BMERB1: variants seen among roughly 807,000 people sequenced by gnomAD.
BMERB1 encodes the protein bMERB domain containing 1, also known as bMERB domain-containing protein 1.
Under a neutral mutation model 23.6 loss-of-function variants are expected in BMERB1, and 12 were observed. The ratio of observed to expected loss-of-function variants is 0.51; its 90% CI spans 0.33 to 0.82. The LOEUF (loss-of-function observed/expected upper bound fraction) is 0.82, where lower values mean the gene tolerates loss of function less well. BMERB1 is among the 40% of genes least tolerant of loss of function. BMERB1 has a pLI of 0.03. For missense variants in BMERB1, 247 were observed against 255.4 expected (o/e 0.97, Z 0.22); for synonymous variants, 122 against 96.6 (o/e 1.26, Z -1.54).
At chr16:15,497,779 A>G (rs944403377) in intron 1 of BMERB1, among the ~76,000 whole-genome samples, 2 of 152,178 alleles carry the variant, frequency 1.3e-5, no homozygotes, top group Non-Finnish European at 2.9e-5. Flanking sequence ...AAGCCCTAGG[A>G]TGGCGGGATA....
rs555630299 is a variant in BMERB1 at position 15,514,773 on chromosome 16, G to T, written c.107-532G>T. Reference sequence around the variant, plus strand: ...CATTGCAGCCTGGGCAACAGAGCAGGACTGTGTCTCAAAAAACAAAAACAA... The same window carrying T: ...CATTGCAGCCTGGGCAACAGAGCAGTACTGTGTCTCAAAAAACAAAAACAA... On this transcript the variant is annotated intron_variant, in intron 1 of 5. Coordinates refer to ENST00000300006, the MANE Select transcript of BMERB1 (RefSeq NM_033201.3). Among the ~76,000 whole-genome samples, 5 of 150,570 alleles carry T rather than the reference G, an allele frequency of 3.3e-5. No homozygotes were observed. In the East Asian group the frequency reaches 9.8e-4, roughly 30 times the overall value.
At chr16:15,502,508 C>T (rs1438678501) in intron 1 of BMERB1, 4 of 773,270 alleles carry the variant, frequency 5.2e-6, no homozygotes, top group East Asian at 2.7e-5. Context: ...TTAAAAGCAA[C>T]GGGCGGCTTC....
intron 2 of BMERB1, among the ~76,000 whole-genome samples, chr16:15,543,289 G>T (rs1212523680): frequency 6.6e-6 from 1 of 152,090 alleles, no homozygotes; most frequent in African/African-American, 2.4e-5. Context: ...TGATTGTGGA[G>T]CCTGGGGTTT....
chr16:15,436,407 C>T lies in BMERB1; in HGVS notation c.106+1648C>T, dbSNP rs535363882. ...CAGAGTAGCTGAGATTACAGGTGCT[C>T]GCCACCATGCCTGGCTAACTTTTGT... On this transcript the variant is annotated intron_variant, in intron 1 of 5. Transcript: ENST00000300006. Among the ~76,000 whole-genome samples the T allele has an allele frequency of 1.5e-4, 23 of 151,954 alleles. 1 individual carries two copies. The South Asian group carries it at 3.7e-3, about 25-fold the overall frequency.
chr16:15,517,994 T>C (rs541732459), intron 2 of BMERB1, among the ~76,000 whole-genome samples: 1 of 145,970 alleles, frequency 6.9e-6, no homozygotes, highest in East Asian at 1.9e-4. Flanking sequence ...TGTGTGTGCA[T>C]GTGTGGATGT....
intron 2 of BMERB1, among the ~76,000 whole-genome samples, chr16:15,515,745 A>G (rs1225077791): frequency 6.6e-6 from 1 of 152,182 alleles, no homozygotes; most frequent in Non-Finnish European, 1.5e-5. Context: ...TCACGAGCGC[A>G]CACTCTGCTC....
intron 1 of BMERB1, among the ~76,000 whole-genome samples, chr16:15,440,222 G>A (rs2050927732): frequency 1.4e-5 from 2 of 146,046 alleles, no homozygotes; most frequent in African/African-American, 5.1e-5. Flanking sequence ...TCCAGCCTGG[G>A]TGACAGAGCA....
chr16:15,533,020 C>T (rs753782963), intron 2 of BMERB1: 3 of 455,806 alleles, frequency 6.6e-6, no homozygotes, highest in Non-Finnish European at 1.3e-5. Flanking sequence ...CTTACCTTCT[C>T]TGAGCCTCGG....
At chr16:15,465,703 G>A (rs1418232757) in intron 1 of BMERB1, among the ~76,000 whole-genome samples, 2 of 152,152 alleles carry the variant, frequency 1.3e-5, no homozygotes, top group African/African-American at 4.8e-5. Context: ...AAACCTTAAA[G>A]ATTCAGCTGG....
intron 2 of BMERB1, among the ~76,000 whole-genome samples, chr16:15,516,503 G>A (rs774208940): frequency 7.9e-5 from 12 of 152,108 alleles, no homozygotes; most frequent in African/African-American, 2.2e-4. Context: ...GGCTTTTGCC[G>A]ACAAACAGTG....
intron 2 of BMERB1, among the ~76,000 whole-genome samples, chr16:15,566,631 A>G (rs1460008029): frequency 3.9e-5 from 6 of 152,106 alleles, no homozygotes; most frequent in Admixed American, 2.0e-4. Flanking sequence ...ACACCACTGC[A>G]CTCCAGCCTG....
intron 2 of BMERB1, among the ~76,000 whole-genome samples, chr16:15,544,208 A>G (rs1033341018): frequency 3.9e-5 from 6 of 152,230 alleles, no homozygotes; most frequent in African/African-American, 1.4e-4. Context: ...TGATGAGTCC[A>G]CTTTTTAAAT....
chr16:15,534,284 T>G (rs1598501602), intron 2 of BMERB1, among the ~76,000 whole-genome samples: 6 of 62,974 alleles, frequency 9.5e-5, no homozygotes, highest in Admixed American at 4.6e-4. Flanking sequence ...TTTTTTTAAT[T>G]GCAAAAAAAA....
At chr16:15,450,637 A>C (rs1368073304) in intron 1 of BMERB1, among the ~76,000 whole-genome samples, 1 of 151,956 alleles carries the variant, frequency 6.6e-6, no homozygotes, top group Non-Finnish European at 1.5e-5. Flanking sequence ...TGCCTGGCTA[A>C]TTGTTGTATT....
At chr16:15,434,835 G>A (rs1398172429) in intron 1 of BMERB1, 76 bp downstream of exon 1, 2 of 1,314,774 alleles carry the variant, frequency 1.5e-6, no homozygotes, top group Non-Finnish European at 2.1e-6. Flanking sequence ...TCGCGGGAGC[G>A]CGAGGAACGC....
Position 15,587,697 on chromosome 16 carries a change from C to T in BMERB1, c.*868C>T, listed in dbSNP as rs2031186871. The T allele has an allele frequency of 6.8e-6, 2 of 292,654 alleles. No homozygotes were observed. Among genetic ancestry groups the T allele is most frequent in the Non-Finnish European group, 1.5e-5 (2 of 136,212 alleles). The allele number at this position is 292,654 out of a possible 1,614,324, so 18.1% of individuals were successfully genotyped here. A position where few individuals can be genotyped will look rare whatever the true frequency, so the allele number is the denominator to read the frequency against. ...GATGCCACTTTGCCAGCCCGACACA[C>T]GGACCTTTGTAAAGAACAGCAACAG... On this transcript the variant is annotated 3_prime_UTR_variant, in exon 6 of 6. Coordinates refer to ENST00000300006, the MANE Select transcript of BMERB1 (RefSeq NM_033201.3).
intron 5 of BMERB1, chr16:15,584,243 G>A: frequency 1.8e-6 from 1 of 542,650 alleles, no homozygotes; most frequent in South Asian, 2.4e-5. Flanking sequence ...TGCTGTATTA[G>A]TGAGGCCTCT....
At chr16:15,451,233 C>G (rs1387392437) in intron 1 of BMERB1, among the ~76,000 whole-genome samples, 1 of 152,092 alleles carries the variant, frequency 6.6e-6, no homozygotes, top group African/African-American at 2.4e-5. Flanking sequence ...CGAGTCTCAC[C>G]CAGGCTGGAG....
chr16:15,519,121 T>G (rs903856002), intron 2 of BMERB1, among the ~76,000 whole-genome samples: 3 of 136,790 alleles, frequency 2.2e-5, no homozygotes, highest in African/African-American at 8.0e-5. Flanking sequence ...GAGACACTCT[T>G]GGCACAGAGT....
Sources: allele counts gnomAD v4.1 joint callset (sites outside exome capture counted in the v4.1 genomes callset), GRCh38; gene constraint gnomAD v4.1.1; transcripts MANE v1.5; gene names NCBI Gene and HGNC (gene_info 2026-07-23, HGNC 2026-07-21).